The following TLN2 variants were observed in gnomAD, a reference collection of about 807,000 sequenced individuals.
The protein encoded by TLN2 is talin-2.
TLN2 carries 118 observed loss-of-function variants against 294.7 expected under a neutral mutation model. That is an observed-to-expected ratio of 0.40 (90% CI 0.34 to 0.47). TLN2 has a LOEUF of 0.47. Among genes scored for constraint, TLN2 ranks in the 20% least tolerant of loss-of-function variants. The probability of loss-of-function intolerance (pLI) is 0.84; values close to 1 mark genes in which losing one functional copy is unlikely to be tolerated. For synonymous variants in TLN2, 1,431 were observed against 1,304.5 expected, an observed-to-expected ratio of 1.10 and a Z score of -2.09; for missense variants, 3,083 against 3,282.2, an observed-to-expected ratio of 0.94 and a Z score of 1.48.
rs535177716 is a variant in TLN2, at chr15:62,741,058, AT to A, written c.4025+297del. Among the ~76,000 whole-genome samples, 54 of 152,218 alleles carry A rather than the reference AT, an allele frequency of 3.5e-4. No homozygotes were observed. In the East Asian group the frequency reaches 6.6e-3, roughly 18 times the overall value. On this transcript the variant is annotated intron_variant, in intron 32 of 58. Coordinates refer to ENST00000636159, the MANE Select transcript of TLN2 (RefSeq NM_015059.3). ...CTTGTAAATGCAATGAATTAAACAG[AT>A]TTTTTTTAAGTAGCATTATATCTTT...
intron 37 of TLN2, 22 bp from the exon 38 acceptor site, chr15:62,761,659 T>C (rs3803497): frequency 0.084 from 134,946 of 1,613,762 alleles, 8,015 homozygotes; most frequent in Admixed American, 0.23. Flanking sequence ...TTGGGCAGAA[T>C]CTCCCTGTTT....
intron 29 of TLN2, among the ~76,000 whole-genome samples, 180 bp from the exon 30 acceptor site, chr15:62,738,034 G>C (rs971632529): frequency 6.6e-6 from 1 of 152,148 alleles, no homozygotes; most frequent in African/African-American, 2.4e-5. Context: ...ATAAGAGGGT[G>C]GAAAACATCT....
At chr15:62,442,673 G>T (rs1174716353) in intron 1 of TLN2, among the ~76,000 whole-genome samples, 1 of 151,820 alleles carries the variant, frequency 6.6e-6, no homozygotes, top group Non-Finnish European at 1.5e-5. Context: ...AAAAAAATTT[G>T]TTTTTTCTTT....
At position 62,716,372 on chromosome 15, in the gene TLN2, G is replaced by C. The variant is rs560649742; in HGVS notation, c.2676G>C (p.Arg892Ser). ...ANPENEDQQQ[R>S]LREAAEGLRV... ...CAGAGAATGAGGACCAGCAGCAAAGGCTGAGAGAAGCTGCAGAAGGCCTCC... is the reference window on the plus strand; with the variant it reads ...CAGAGAATGAGGACCAGCAGCAAAGCCTGAGAGAAGCTGCAGAAGGCCTCC... Residue 892 changes from arginine (R) to serine (S), a missense_variant, in exon 23 of 59, where the codon AGG (arginine) becomes AGC (serine). Arg to Ser is a moderately radical substitution (Grantham distance 110). Coordinates refer to ENST00000636159, the MANE Select transcript of TLN2 (RefSeq NM_015059.3). The C allele has an allele frequency of 1.2e-6, 2 of 1,610,778 alleles. No homozygotes were observed. The highest frequency in any genetic ancestry group is 8.5e-7 in the Non-Finnish European group (1 of 1,178,708).
At chr15:62,481,989 A>T (rs1372110297) in intron 1 of TLN2, among the ~76,000 whole-genome samples, 3 of 150,946 alleles carry the variant, frequency 2.0e-5, no homozygotes, top group East Asian at 3.9e-4. Context: ...TAGAGACGGG[A>T]TTTCACCATG....
intron 54 of TLN2, among the ~76,000 whole-genome samples, chr15:62,826,738 C>T (rs1276543959): frequency 6.6e-6 from 1 of 152,134 alleles, no homozygotes; most frequent in Non-Finnish European, 1.5e-5. Flanking sequence ...AGAAATGTGG[C>T]TGCCTGCTCC....
intron 1 of TLN2, among the ~76,000 whole-genome samples, chr15:62,513,557 T>C (rs2040037393): frequency 6.6e-6 from 1 of 152,236 alleles, no homozygotes; most frequent in African/African-American, 2.4e-5. Flanking sequence ...CATAACCTTG[T>C]AGACCTTTAC....
rs2070711178 is a variant in TLN2 at position 62,841,621 on chromosome 15, A to G, written c.*1011A>G. The G allele has an allele frequency of 1.3e-5, 2 of 152,214 alleles. No homozygotes were observed. Among genetic ancestry groups the G allele is most frequent in the South Asian group, 4.1e-4 (2 of 4,834 alleles). The allele number at this position is 152,214 out of a possible 1,614,324, so 9.4% of individuals were successfully genotyped here. ...TTCTGTCTTAATATCCAGAAAATCT[A>G]AATGCATCCTAAAATCAATGTGAAC... On this transcript the variant is annotated 3_prime_UTR_variant, in exon 59 of 59. Coordinates refer to ENST00000636159, the MANE Select transcript of TLN2 (RefSeq NM_015059.3).
intron 52 of TLN2, among the ~76,000 whole-genome samples, chr15:62,818,988 T>G (rs2067336924): frequency 6.6e-6 from 1 of 152,138 alleles, no homozygotes; most frequent in African/African-American, 2.4e-5. Flanking sequence ...CCTGAGTAGT[T>G]GGGACTACAG....
At chr15:62,824,049 CG>C in intron 54 of TLN2, 5 of 506,682 alleles carry the variant, frequency 9.9e-6, no homozygotes, top group African/African-American at 2.0e-5. Context: ...GCCCTGTCTC[CG>C]GGGGTTCCTA....
At chr15:62,751,163 G>GAA (rs1453297569) in intron 34 of TLN2, among the ~76,000 whole-genome samples, 1 of 151,986 alleles carries the variant, frequency 6.6e-6, no homozygotes, top group East Asian at 1.9e-4. Context: ...AAACTGTTGA[G>GAA]AAACACTCCT....
At chr15:62,677,907 T>C (rs1421040251) in intron 11 of TLN2, among the ~76,000 whole-genome samples, 2 of 147,596 alleles carry the variant, frequency 1.4e-5, no homozygotes, top group East Asian at 4.0e-4. Context: ...GCGATTCTCC[T>C]GCCTTAGCTT....
Position 62,805,654 on chromosome 15 carries a change from A to G in TLN2, c.6532A>G (p.Arg2178Gly). ...EKTSSPEESI[R>G]MTKGITMATA... ...GACATCATCACCTGAAGAATCCATAAGGATGACGAAAGGCATCACCATGGC... is the reference window on the plus strand; with the variant it reads ...GACATCATCACCTGAAGAATCCATAGGGATGACGAAAGGCATCACCATGGC... Residue 2178 changes from arginine to glycine, a missense_variant, in exon 51 of 59, where the codon AGG becomes GGG. Coordinates refer to ENST00000636159, the MANE Select transcript of TLN2 (RefSeq NM_015059.3). 4 of 1,614,164 alleles carry G rather than the reference A, an allele frequency of 2.5e-6. No homozygotes were observed. Among genetic ancestry groups the G allele is most frequent in the Non-Finnish European group, 3.4e-6 (4 of 1,179,994 alleles).
At chr15:62,710,285 T>C (rs1445062716) in intron 21 of TLN2, among the ~76,000 whole-genome samples, 1 of 152,212 alleles carries the variant, frequency 6.6e-6, no homozygotes. Flanking sequence ...TTTAAATGTA[T>C]TTAAGAAATT....
At chr15:62,749,471 A>G (rs1447394444) in intron 33 of TLN2, among the ~76,000 whole-genome samples, 1 of 152,202 alleles carries the variant, frequency 6.6e-6, no homozygotes, top group African/African-American at 2.4e-5. Flanking sequence ...AAATATGACT[A>G]GTTTAGGATT....
intron 1 of TLN2, among the ~76,000 whole-genome samples, chr15:62,575,074 A>C (rs960419689): frequency 6.6e-6 from 1 of 152,130 alleles, no homozygotes; most frequent in African/African-American, 2.4e-5. Context: ...ACACTTTGGG[A>C]GGCTGAGGTG....
At chr15:62,497,345 GA>G (rs974135172) in intron 1 of TLN2, among the ~76,000 whole-genome samples, 5 of 152,154 alleles carry the variant, frequency 3.3e-5, no homozygotes, top group African/African-American at 9.7e-5. Flanking sequence ...TGGAGTACTT[GA>G]ATCCAGAAGT....
intron 16 of TLN2, among the ~76,000 whole-genome samples, chr15:62,700,823 A>G (rs2058671691): frequency 6.6e-6 from 1 of 152,132 alleles, no homozygotes; most frequent in Non-Finnish European, 1.5e-5. Context: ...AATTTTTCTA[A>G]ATAAGGCCAC....
At chr15:62,724,883 G>A in intron 26 of TLN2, 93 bp from the exon 27 acceptor site, 1 of 1,450,760 alleles carries the variant, frequency 6.9e-7, no homozygotes. Context: ...GAATCACTGG[G>A]TATATCCAGA....
Sources: allele counts gnomAD v4.1 joint callset (sites outside exome capture counted in the v4.1 genomes callset), GRCh38; gene constraint gnomAD v4.1.1; transcripts MANE v1.5; gene names NCBI Gene and HGNC (gene_info 2026-07-23, HGNC 2026-07-21).